NKTR: variants seen among roughly 807,000 people sequenced by gnomAD.
NKTR encodes natural killer cell triggering receptor, also known as NK-tumor recognition protein.
NKTR carries 67 observed loss-of-function variants against 156.3 expected under a neutral mutation model. The ratio of observed to expected loss-of-function variants is 0.43; its 90% CI spans 0.35 to 0.53. The LOEUF (loss-of-function observed/expected upper bound fraction) is 0.53, where lower values mean the gene tolerates loss of function less well. Ranked by LOEUF, NKTR falls within the 20% of genes least tolerant of loss-of-function variation. NKTR has a pLI of 0.01. For synonymous variants in NKTR, 640 were observed against 596.6 expected, an observed-to-expected ratio of 1.07 and a Z score of -1.06; for missense variants, 1,604 against 1,730.9, an observed-to-expected ratio of 0.93 and a Z score of 1.30.
Position 42,600,747 on chromosome 3 carries a change from A to T in NKTR, c.-55A>T. 2 of 339,834 alleles carry T rather than the reference A, an allele frequency of 5.9e-6. No homozygotes were observed. Among genetic ancestry groups the T allele is most frequent in the Non-Finnish European group, 1.1e-5 (2 of 186,770 alleles). 21.1% of individuals were successfully genotyped at this position (339,834 alleles called of 1,614,324 possible). On this transcript the variant is annotated 5_prime_UTR_variant, in exon 1 of 17. Coordinates refer to ENST00000232978, the MANE Select transcript of NKTR (RefSeq NM_005385.4). ...AGTGGCAGTGCTTTCTCTTCTGCTC[A>T]CGGGGACCCGCTCAGGCTGGAGGCC...
chr3:42,622,279 T>A (rs1707989217), intron 6 of NKTR, among the ~76,000 whole-genome samples: 1 of 152,088 alleles, frequency 6.6e-6, no homozygotes, highest in South Asian at 2.1e-4. Flanking sequence ...CTAAGGCTGC[T>A]TCAAAACCTA....
chr3:42,620,994 A>T (rs1473892777), intron 5 of NKTR: 1 of 948,300 alleles, frequency 1.1e-6, no homozygotes, highest in Admixed American at 6.2e-5. Context: ...TTGAATAATA[A>T]ATTTACCGTA....
intron 2 of NKTR, among the ~76,000 whole-genome samples, chr3:42,610,245 C>G (rs1317188469): frequency 6.6e-6 from 1 of 152,052 alleles, no homozygotes; most frequent in Admixed American, 6.6e-5. Context: ...CTCAGGTGAT[C>G]CGCGCCCCCC....
chr3:42,634,090 C>T (rs1278068792), intron 10 of NKTR, among the ~76,000 whole-genome samples: 1 of 152,150 alleles, frequency 6.6e-6, no homozygotes, highest in Non-Finnish European at 1.5e-5. Context: ...TAGTTGAATT[C>T]TTTGGATCCA....
Position 42,637,792 on chromosome 3 carries a change from T to A in NKTR, c.2088T>A (p.Ser696=). Residue 696 remains serine (S), a synonymous_variant, in exon 13 of 17, where the codon TCT becomes TCA. Transcript: ENST00000232978. ...GCTCACCAAGGTCAAGGAGCAGATC[T>A]TCTAGGAGTAGATCTTATTCCAGAT... ...SESSPRSRSR[S]SRSRSYSRSY... The A allele has an allele frequency of 6.2e-7, 1 of 1,613,902 alleles. No individual in the cohort carries two copies. The highest frequency in any genetic ancestry group is 8.5e-7 in the Non-Finnish European group (1 of 1,179,952).
intron 6 of NKTR, chr3:42,629,097 T>C (rs889655124): frequency 1.0e-6 from 1 of 964,706 alleles, no homozygotes; most frequent in African/African-American, 1.8e-5. Context: ...TTAGTGTACT[T>C]TGGTAAAGTT....
intron 6 of NKTR, chr3:42,627,852 C>T: frequency 1.0e-6 from 1 of 985,336 alleles, no homozygotes; most frequent in Non-Finnish European, 1.2e-6. Context: ...TTGCACAGCT[C>T]TTTAAACAGC....
At chr3:42,622,409 T>C (rs902802951) in intron 6 of NKTR, among the ~76,000 whole-genome samples, 4 of 152,094 alleles carry the variant, frequency 2.6e-5, no homozygotes, top group African/African-American at 9.6e-5. Context: ...ATTTCATTAA[T>C]AATTTATTGA....
Position 42,638,386 on chromosome 3 carries a change from T to G in NKTR, c.2682T>G (p.Asp894Glu). 6.2e-7 allele frequency: 1 copy of G among 1,613,952 alleles called. No homozygotes were observed. Among genetic ancestry groups the G allele is most frequent in the Non-Finnish European group, 8.5e-7 (1 of 1,179,982 alleles). ...KWDSESNSER[D>E]VTKNSKNDSH... ...ACTCTGAGTCAAATTCAGAACGAGA[T>G]GTCACTAAAAACAGTAAAAATGACT... is the stretch of plus-strand genomic sequence containing the variant. Residue 894 changes from aspartate to glutamate, a missense_variant, in exon 13 of 17, where the codon GAT becomes GAG. Physicochemically the swap from Asp to Glu is conservative, Grantham distance 45. Around this residue, in one of 6 missense-constraint regions of NKTR, gnomAD observed 1,255 missense variants for 1,243.7 expected, o/e 1.01. Coordinates refer to ENST00000232978, the MANE Select transcript of NKTR (RefSeq NM_005385.4).
In NKTR at chr3:42,631,085, A is replaced by G. The variant is rs537160409; in HGVS notation, c.405-86A>G. On this transcript the variant is annotated intron_variant, in intron 7 of 16. Transcript: ENST00000232978. ...TGGTTTTATTTTCAGGTCTGTGGAC[A>G]TGTCATTGATTACAGTTAATTGTCT... is the stretch of plus-strand genomic sequence containing the variant. 1.5e-4 allele frequency: 231 copies of G among 1,543,704 alleles called. 3 individuals are homozygous for G. In the South Asian group the frequency reaches 2.8e-3, roughly 18 times the overall value.
chr3:42,638,080 T>G lies in NKTR; in HGVS notation c.2376T>G (p.Ser792=), dbSNP rs1709577052. ...HSKYVKGRDR[S]SCVRKYSESR... ...AATATGTCAAAGGTAGAGACAGGTC[T>G]TCATGTGTGAGAAAGTATAGCGAGA... The change falls in exon 13 of 17, where the codon TCT becomes TCG. Residue 792 remains serine, a synonymous_variant. Transcript: ENST00000232978. 3 of 1,614,026 alleles carry G rather than the reference T, an allele frequency of 1.9e-6. No individual in the cohort carries two copies. Among genetic ancestry groups the G allele is most frequent in the Non-Finnish European group, 2.5e-6 (3 of 1,180,028 alleles).
chr3:42,639,258 G>A lies in NKTR; in HGVS notation c.3554G>A (p.Ser1185Asn), dbSNP rs1577576427. Residue 1185 changes from serine to asparagine, a missense_variant, in exon 13 of 17, where the codon AGT becomes AAT. Physicochemically the swap from Ser to Asn is conservative, Grantham distance 46. This residue lies in a region of NKTR where 1,255 missense variants were observed against 1,243.7 expected (regional missense o/e 1.01). Transcript: ENST00000232978. ...VVKQESSMSE[S>N]KVLGEVGKQD... is the part of the protein sequence containing the mutation. ...AAACAGGAAAGCAGCATGTCCGAAAGTAAAGTGTTGGGTGAAGTGGGGAAA... is the reference window on the plus strand; with the variant it reads ...AAACAGGAAAGCAGCATGTCCGAAAATAAAGTGTTGGGTGAAGTGGGGAAA... 10 of 1,614,246 alleles carry A rather than the reference G, an allele frequency of 6.2e-6. No homozygotes were observed. Among genetic ancestry groups the A allele is most frequent in the East Asian group, 4.5e-5 (2 of 44,890 alleles).
chr3:42,619,798 T>TG, intron 5 of NKTR, 90 bp downstream of exon 5: 1 of 1,550,908 alleles, frequency 6.4e-7, no homozygotes, highest in Non-Finnish European at 8.7e-7. Context: ...GGTTTACTTA[T>TG]AGTTCACTTT....
intron 2 of NKTR, among the ~76,000 whole-genome samples, chr3:42,606,331 CTG>C (rs1429735737): frequency 6.6e-6 from 1 of 152,170 alleles, no homozygotes; most frequent in Non-Finnish European, 1.5e-5. Context: ...AATTCTATCA[CTG>C]TTCTTGTAGA....
intron 8 of NKTR, 98 bp downstream of exon 8, chr3:42,631,414 T>C: frequency 7.4e-7 from 1 of 1,347,184 alleles, no homozygotes; most frequent in East Asian, 2.5e-5. Context: ...GGTATAGCAA[T>C]AGCCCTTGGT....
chr3:42,641,626 T>C (rs1470210424), intron 13 of NKTR, among the ~76,000 whole-genome samples: 2 of 152,168 alleles, frequency 1.3e-5, no homozygotes, highest in African/African-American at 4.8e-5. Flanking sequence ...ACACCTGTAA[T>C]CCCAGTACTT....
intron 3 of NKTR, 147 bp from the exon 4 acceptor site, chr3:42,618,873 T>C: frequency 1.5e-6 from 1 of 672,850 alleles, no homozygotes; most frequent in South Asian, 2.1e-5. Context: ...TGTGTGTATG[T>C]TAAATTATCA....
At chr3:42,613,147 A>T (rs1427382992) in intron 2 of NKTR, among the ~76,000 whole-genome samples, 2 of 152,132 alleles carry the variant, frequency 1.3e-5, no homozygotes, top group African/African-American at 2.4e-5. Flanking sequence ...GACCTAGGTT[A>T]TATATAAGTG....
intron 15 of NKTR, 107 bp downstream of exon 15, chr3:42,643,502 T>TTG: frequency 1.1e-6 from 1 of 908,150 alleles, no homozygotes; most frequent in Non-Finnish European, 1.8e-6. Flanking sequence ...ATGCATATAT[T>TTG]TGTCTCCTGA....
Sources: gnomAD v4.1 joint callset for allele counts (sites outside exome capture counted in the v4.1 genomes callset) on GRCh38, gnomAD v4.1.1 for gene constraint, gnomAD v4.1.1 regional missense constraint, MANE v1.5 for transcripts, NCBI Gene and HGNC (gene_info 2026-07-23, HGNC 2026-07-21) for gene names.